Variants in HCRTR2 observed in about 807,000 individuals in gnomAD.
The protein encoded by HCRTR2 is orexin receptor type 2.
HCRTR2 carries 22 observed loss-of-function variants against 49.0 expected under a neutral mutation model. The observed-to-expected ratio is 0.45, with a 90% confidence interval of 0.32 to 0.64. HCRTR2 has a LOEUF of 0.64. Among genes scored for constraint, HCRTR2 ranks in the 30% least tolerant of loss-of-function variants. The pLI is 0.04. For missense variants in HCRTR2, 491 were observed against 559.4 expected, an observed-to-expected ratio of 0.88 and a Z score of 1.23; for synonymous variants, 236 against 205.3, an observed-to-expected ratio of 1.15 and a Z score of -1.28.
At chr6:55,243,681 A>AT (rs1766376970) in intron 1 of HCRTR2, among the ~76,000 whole-genome samples, 1 of 152,162 alleles carries the variant, frequency 6.6e-6, no homozygotes, top group Non-Finnish European at 1.5e-5. Context: ...TATAGGCAGT[A>AT]TTTTTGTTGG....
intron 1 of HCRTR2, among the ~76,000 whole-genome samples, chr6:55,117,271 ATAAAT>A (rs1204102524): frequency 6.6e-6 from 1 of 151,844 alleles, no homozygotes; most frequent in Non-Finnish European, 1.5e-5. Flanking sequence ...CATTGCTCTG[ATAAAT>A]TAAGTGAGAA....
chr6:55,232,898 C>G (rs563935302), intron 1 of HCRTR2, among the ~76,000 whole-genome samples: 3 of 152,148 alleles, frequency 2.0e-5, no homozygotes, highest in Admixed American at 1.3e-4. Flanking sequence ...TAAACTTTAC[C>G]TCTATATTAT....
intron 1 of HCRTR2, among the ~76,000 whole-genome samples, chr6:55,146,896 T>TA (rs1764587369): frequency 6.6e-6 from 1 of 152,314 alleles, no homozygotes; most frequent in East Asian, 1.9e-4. Context: ...TTTAGGGCAG[T>TA]ACTTCCAAAT....
chr6:55,262,532 T>C (rs1562026112), intron 3 of HCRTR2, among the ~76,000 whole-genome samples: 1 of 131,196 alleles, frequency 7.6e-6, no homozygotes, highest in East Asian at 2.0e-4. Context: ...ATATATAATA[T>C]ATATAATATA....
intron 4 of HCRTR2, among the ~76,000 whole-genome samples, chr6:55,269,474 C>CA (rs995784549): frequency 6.6e-5 from 10 of 151,764 alleles, no homozygotes; most frequent in African/African-American, 1.7e-4. Context: ...AATTATTTTG[C>CA]AAAAAAATAC....
intron 1 of HCRTR2, among the ~76,000 whole-genome samples, chr6:55,221,765 A>G (rs1266372846): frequency 2.0e-5 from 3 of 151,648 alleles, no homozygotes; most frequent in Non-Finnish European, 4.4e-5. Context: ...GTGAGGTGAG[A>G]TCACGCCACT....
chr6:55,234,232 C>A (rs1486591877), intron 1 of HCRTR2, among the ~76,000 whole-genome samples: 1 of 151,844 alleles, frequency 6.6e-6, no homozygotes, highest in Non-Finnish European at 1.5e-5. Flanking sequence ...AAAAATAAAA[C>A]CTAGGTCATA....
intron 4 of HCRTR2, among the ~76,000 whole-genome samples, chr6:55,266,050 A>G (rs78069041): frequency 6.6e-6 from 1 of 152,118 alleles, no homozygotes; most frequent in Non-Finnish European, 1.5e-5. Flanking sequence ...AAACTACAAC[A>G]ACAAAATAAG....
chr6:55,174,848 A>AC, intron 1 of HCRTR2, 38 bp downstream of exon 1: 1 of 1,538,608 alleles, frequency 6.5e-7, no homozygotes. Flanking sequence ...AGGGGCTATC[A>AC]CCCCCTCTCC....
chr6:55,141,420 A>G (rs73432958), intron 1 of HCRTR2, among the ~76,000 whole-genome samples: 7,375 of 152,220 alleles, frequency 0.048, 232 homozygotes, highest in African/African-American at 0.084. Context: ...TGAGAAAACC[A>G]GGAAAGAGAG....
intron 1 of HCRTR2, among the ~76,000 whole-genome samples, chr6:55,239,569 A>T (rs988800633): frequency 2.6e-5 from 4 of 152,186 alleles, no homozygotes; most frequent in Non-Finnish European, 2.9e-5. Flanking sequence ...TATATTAATT[A>T]TTCTCCACTG....
chr6:55,176,007 G>T (rs1765033333), intron 1 of HCRTR2, among the ~76,000 whole-genome samples: 1 of 152,112 alleles, frequency 6.6e-6, no homozygotes, highest in African/African-American at 2.4e-5. Context: ...GATAGGCTGG[G>T]AGGCTTTGCA....
chr6:55,231,672 T>C (rs1418796708), intron 1 of HCRTR2, among the ~76,000 whole-genome samples: 1 of 152,136 alleles, frequency 6.6e-6, no homozygotes. Context: ...AGAAATTGAC[T>C]TACTTGTTAA....
chr6:55,210,704 T>C (rs1438119154), intron 1 of HCRTR2, among the ~76,000 whole-genome samples: 1 of 152,152 alleles, frequency 6.6e-6, no homozygotes, highest in Non-Finnish European at 1.5e-5. Flanking sequence ...AGGAACTGTC[T>C]CTAGGCTCTG....
chr6:55,282,135 C>T (rs755596543), intron 6 of HCRTR2, 90 bp from the exon 7 acceptor site: 15 of 912,906 alleles, frequency 1.6e-5, no homozygotes, highest in Non-Finnish European at 2.5e-5. Flanking sequence ...GTTAGTTTGG[C>T]TCAAGGGAGC....
chr6:55,145,840 G>A (rs1764574099), intron 1 of HCRTR2, among the ~76,000 whole-genome samples: 1 of 151,562 alleles, frequency 6.6e-6, no homozygotes, highest in African/African-American at 2.4e-5. Flanking sequence ...AAAAAAAGCT[G>A]GTATCCAATC....
chr6:55,180,092 A>G (rs150430082), intron 1 of HCRTR2, among the ~76,000 whole-genome samples: 1 of 152,176 alleles, frequency 6.6e-6, no homozygotes, highest in African/African-American at 2.4e-5. Flanking sequence ...ATTGGGTACT[A>G]TATGCCAGGT....
intron 1 of HCRTR2, among the ~76,000 whole-genome samples, chr6:55,139,241 G>T (rs771721503): frequency 1.3e-5 from 2 of 152,148 alleles, no homozygotes; most frequent in African/African-American, 2.4e-5. Context: ...GGTAGCAGCC[G>T]TTTGAGGTTT....
chr6:55,241,488 A>C (rs1766331584), intron 1 of HCRTR2, among the ~76,000 whole-genome samples: 1 of 152,144 alleles, frequency 6.6e-6, no homozygotes, highest in Non-Finnish European at 1.5e-5. Context: ...CATAACAATC[A>C]ATAAATTGTT....
Sources: allele counts gnomAD v4.1 joint callset (sites outside exome capture counted in the v4.1 genomes callset), GRCh38; gene constraint gnomAD v4.1.1; transcripts MANE v1.5; gene names NCBI Gene and HGNC (gene_info 2026-07-23, HGNC 2026-07-21).